COPS7B: variants seen among roughly 807,000 people sequenced by gnomAD.
COPS7B encodes the protein COP9 signalosome subunit 7B, also known as COP9 signalosome complex subunit 7b.
COPS7B carries 9 observed loss-of-function variants against 33.4 expected under a neutral mutation model. That is an observed-to-expected ratio of 0.27 (90% CI 0.16 to 0.47). The LOEUF is 0.47. Ranked by LOEUF, COPS7B falls within the 20% of genes least tolerant of loss-of-function variation. COPS7B has a pLI of 0.99. For missense variants in COPS7B, 242 were observed against 318.2 expected (o/e 0.76, Z 1.82); for synonymous variants, 119 against 126.3 (o/e 0.94, Z 0.39).
At chr2:231,797,471 T>A (rs1230976442) in intron 5 of COPS7B, among the ~76,000 whole-genome samples, 1 of 152,260 alleles carries the variant, frequency 6.6e-6, no homozygotes, top group Non-Finnish European at 1.5e-5. Context: ...AAATCTAGTT[T>A]CTGAACCTGC....
rs2049978439 is a variant in COPS7B, at chr2:231,809,030, A to C, written c.*1385A>C. 6.6e-6 allele frequency: 1 copy of C among 152,286 alleles called. No individual in the cohort carries two copies. Among genetic ancestry groups the C allele is most frequent in the Non-Finnish European group, 1.5e-5 (1 of 68,194 alleles). 9.4% of individuals were successfully genotyped at this position (152,286 alleles called of 1,614,324 possible). A position where few individuals can be genotyped will look rare whatever the true frequency, so the allele number is the denominator to read the frequency against. Reference sequence around the variant, plus strand: ...TCCCCATGTTTAGCCATGGTCAAAAAATGGATTTCTCCTTTTTCTAAAATG... The same window carrying C: ...TCCCCATGTTTAGCCATGGTCAAAACATGGATTTCTCCTTTTTCTAAAATG... On this transcript the variant is annotated 3_prime_UTR_variant, in exon 7 of 7. Transcript: ENST00000350033.
chr2:231,794,915 G>A (rs570430184), intron 4 of COPS7B, among the ~76,000 whole-genome samples: 1 of 151,548 alleles, frequency 6.6e-6, no homozygotes, highest in East Asian at 1.9e-4. Flanking sequence ...ACCCCGCCCG[G>A]CTAATTTTTT....
Position 231,807,709 on chromosome 2 carries a change from C to A in COPS7B, c.*64C>A. The A allele has an allele frequency of 7.0e-7, 1 of 1,430,868 alleles. No homozygotes were observed. The highest frequency in any genetic ancestry group is 9.4e-7 in the Non-Finnish European group (1 of 1,068,124). The allele number at this position is 1,430,868 out of a possible 1,614,324, so 88.6% of individuals were successfully genotyped here. A position where few individuals can be genotyped will look rare whatever the true frequency, so the allele number is the denominator to read the frequency against. On this transcript the variant is annotated 3_prime_UTR_variant, in exon 7 of 7. Coordinates refer to ENST00000350033, the MANE Select transcript of COPS7B (RefSeq NM_022730.4). Reference sequence around the variant, plus strand: ...AGGTGGGGAGGGGACACCAAGGGCCCATTTCCTCCCCTCTCTACCTGCAGT... The same window carrying A: ...AGGTGGGGAGGGGACACCAAGGGCCAATTTCCTCCCCTCTCTACCTGCAGT...
chr2:231,781,849 C>T, upstream of COPS7B: 1 of 1,550,948 alleles, frequency 6.4e-7, no homozygotes, highest in Non-Finnish European at 8.7e-7. Context: ...GAGTTAACTT[C>T]TGTTTACATG....
In COPS7B at chr2:231,808,458, C is replaced by T. The variant is rs762935729; in HGVS notation, c.*813C>T. The T allele has an allele frequency of 1.9e-5, 9 of 471,496 alleles. No homozygotes were observed. The highest frequency in any genetic ancestry group is 1.6e-4 in the African/African-American group (8 of 50,030). 29.2% of individuals were successfully genotyped at this position (471,496 alleles called of 1,614,324 possible). Reference sequence around the variant, plus strand: ...CACTGGAACTGCCGGCTAATGCTTGCTCTCCCAAGATCTTTAACTCCTCCT... The same window carrying T: ...CACTGGAACTGCCGGCTAATGCTTGTTCTCCCAAGATCTTTAACTCCTCCT... On this transcript the variant is annotated 3_prime_UTR_variant, in exon 7 of 7. Coordinates refer to ENST00000350033, the MANE Select transcript of COPS7B (RefSeq NM_022730.4).
intron 6 of COPS7B, among the ~76,000 whole-genome samples, chr2:231,802,071 G>A (rs1380418634): frequency 2.0e-5 from 3 of 152,192 alleles, no homozygotes; most frequent in East Asian, 1.9e-4. Context: ...CACCGCGCCC[G>A]GCCTCATTTT....
chr2:231,794,073 C>G (rs553513855), intron 3 of COPS7B, 190 bp from the exon 4 acceptor site: 2 of 522,414 alleles, frequency 3.8e-6, no homozygotes, highest in Non-Finnish European at 6.8e-6. Context: ...TTTGTAGAAA[C>G]TGAGTCTTTT....
intron 6 of COPS7B, among the ~76,000 whole-genome samples, chr2:231,802,420 A>G (rs372743784): frequency 1.3e-5 from 2 of 152,318 alleles, no homozygotes; most frequent in East Asian, 3.9e-4. Flanking sequence ...TTCCTGCCCC[A>G]GAAAGCTCTT....
intron 2 of COPS7B, chr2:231,789,367 C>A (rs866208183): frequency 2.6e-5 from 4 of 152,356 alleles, no homozygotes; most frequent in South Asian, 4.1e-4. Context: ...TTCTCAACCT[C>A]TACTTTCCAA....
intron 4 of COPS7B, among the ~76,000 whole-genome samples, chr2:231,794,738 G>T (rs2049515567): frequency 6.6e-6 from 1 of 152,144 alleles, no homozygotes; most frequent in South Asian, 2.1e-4. Flanking sequence ...AACTTGCTAT[G>T]TCGGACTTGC....
At chr2:231,788,143 T>TG (rs1224192080) in intron 1 of COPS7B, among the ~76,000 whole-genome samples, 45 of 150,018 alleles carry the variant, frequency 3.0e-4, no homozygotes, top group Admixed American at 3.0e-3. Flanking sequence ...ACTGTTTTTT[T>TG]TTTTTTTTTT....
At chr2:231,799,017 G>T in intron 6 of COPS7B, 53 bp downstream of exon 6, 2 of 1,486,244 alleles carry the variant, frequency 1.3e-6, no homozygotes, top group Non-Finnish European at 1.9e-6. Flanking sequence ...CTGTTTATTC[G>T]TTTGCAGTGT....
intron 6 of COPS7B, among the ~76,000 whole-genome samples, chr2:231,807,259 C>A (rs2049920576): frequency 6.6e-6 from 1 of 152,186 alleles, no homozygotes; most frequent in Admixed American, 6.5e-5. Flanking sequence ...TGTTCCCCTT[C>A]CATTTGTTTC....
chr2:231,803,010 C>T (rs1041807439), intron 6 of COPS7B, among the ~76,000 whole-genome samples: 1 of 152,252 alleles, frequency 6.6e-6, no homozygotes, highest in Non-Finnish European at 1.5e-5. Flanking sequence ...GCCCTCTTTT[C>T]CTCTGCAGGA....
intron 6 of COPS7B, among the ~76,000 whole-genome samples, chr2:231,800,035 C>T (rs2049698035): frequency 6.6e-6 from 1 of 152,172 alleles, no homozygotes; most frequent in African/African-American, 2.4e-5. Flanking sequence ...CTCTGCTTTT[C>T]ATGAACTTGA....
intron 6 of COPS7B, among the ~76,000 whole-genome samples, chr2:231,802,530 G>A (rs1352831950): frequency 6.6e-6 from 1 of 152,208 alleles, no homozygotes; most frequent in East Asian, 1.9e-4. Flanking sequence ...CATGTTTTGA[G>A]GAGCCTGTAA....
chr2:231,801,587 C>G (rs1302540868), intron 6 of COPS7B, among the ~76,000 whole-genome samples: 1 of 151,460 alleles, frequency 6.6e-6, no homozygotes, highest in Non-Finnish European at 1.5e-5. Context: ...GACTATAGGA[C>G]TACAGGTGTA....
At chr2:231,804,547 T>G (rs2049838718) in intron 6 of COPS7B, among the ~76,000 whole-genome samples, 1 of 152,224 alleles carries the variant, frequency 6.6e-6, no homozygotes, top group Non-Finnish European at 1.5e-5. Context: ...GTGCCTGGCC[T>G]AAGCTGATTG....
At chr2:231,791,670 T>C in intron 2 of COPS7B, 63 bp from the exon 3 acceptor site, 1 of 1,411,972 alleles carries the variant, frequency 7.1e-7, no homozygotes, top group Non-Finnish European at 1.0e-6. Context: ...CCGTCCTCTG[T>C]TTGAACACTA....
Sources: gnomAD v4.1 joint callset for allele counts (sites outside exome capture counted in the v4.1 genomes callset) on GRCh38, gnomAD v4.1.1 for gene constraint, MANE v1.5 for transcripts, NCBI Gene and HGNC (gene_info 2026-07-23, HGNC 2026-07-21) for gene names.